Variants in SLC29A4 observed in about 807,000 individuals in gnomAD.
SLC29A4 encodes the protein equilibrative nucleoside transporter 4.
A neutral mutation model predicts 43.9 loss-of-function variants in SLC29A4; 36 were observed. The observed-to-expected ratio is 0.82, with a 90% CI of 0.63 to 1.08. SLC29A4 has a LOEUF of 1.08. SLC29A4 is among the 50% of genes least tolerant of loss of function. The probability of loss-of-function intolerance (pLI) is 0.00; values close to 1 mark genes in which losing one functional copy is unlikely to be tolerated. For missense variants in SLC29A4, 869 were observed against 755.3 expected (o/e 1.15, Z -1.77); for synonymous variants, 491 against 338.0 (o/e 1.45, Z -4.97).
rs959028114 is a variant in SLC29A4, at chr7:5,306,393, C to T, written c.*3454C>T. On this transcript the variant is annotated 3_prime_UTR_variant, in exon 11 of 11. Coordinates refer to ENST00000396872, the MANE Select transcript of SLC29A4 (RefSeq NM_153247.4). Reference sequence around the variant, plus strand: ...TATTTTTAGTAGAGACGGGGTTTCACCACATTGCTCAGGCTGGTCTGAAAC... The same window carrying T: ...TATTTTTAGTAGAGACGGGGTTTCATCACATTGCTCAGGCTGGTCTGAAAC... The T allele has an allele frequency of 6.6e-6, 1 of 151,740 alleles. No individual in the cohort carries two copies. Among genetic ancestry groups the T allele is most frequent in the Non-Finnish European group, 1.5e-5 (1 of 67,982 alleles). The allele number at this position is 151,740 out of a possible 1,614,324, so 9.4% of individuals were successfully genotyped here.
At chr7:5,283,616 C>A (rs1784788492) in intron 1 of SLC29A4, among the ~76,000 whole-genome samples, 1 of 152,158 alleles carries the variant, frequency 6.6e-6, no homozygotes, top group African/African-American at 2.4e-5. Flanking sequence ...GGGGGGCCAG[C>A]CTGTGGCCCC....
intron 10 of SLC29A4, among the ~76,000 whole-genome samples, chr7:5,301,543 G>A (rs1786165397): frequency 6.6e-6 from 1 of 152,198 alleles, no homozygotes; most frequent in Admixed American, 6.5e-5. Context: ...GAGGCCAGGG[G>A]ATGGAGCAGA....
intron 7 of SLC29A4, 26 bp downstream of exon 7, chr7:5,297,224 T>TCCCTTCTCTGTA (rs1554263057): frequency 1.1e-5 from 16 of 1,507,858 alleles, no homozygotes; most frequent in Admixed American, 8.4e-5. Context: ...CCACCTCTGT[T>TCCCTTCTCTGTA]CCCTTCTCTG....
chr7:5,285,137 C>G (rs544069215), intron 1 of SLC29A4, among the ~76,000 whole-genome samples: 1 of 152,142 alleles, frequency 6.6e-6, no homozygotes, highest in East Asian at 1.9e-4. Flanking sequence ...CTGGCGCCTC[C>G]CAACGACTCT....
chr7:5,291,161 C>G lies in SLC29A4; in HGVS notation c.339C>G (p.Ile113Met). Residue 113 changes from isoleucine to methionine, a missense_variant, in exon 4 of 11, where the codon ATC becomes ATG. Coordinates refer to ENST00000396872, the MANE Select transcript of SLC29A4 (RefSeq NM_153247.4). The part of the protein sequence containing the change: ...SIVFDMSLTY[I>M]LVALAAVLLN... ...TGTTTGACATGAGCCTCACCTACAT[C>G]TTGGTGGCACTGGCAGCTGTCCTCC... 6.2e-7 allele frequency: 1 copy of G among 1,613,978 alleles called. No individual in the cohort carries two copies. Among genetic ancestry groups the G allele is most frequent in the Non-Finnish European group, 8.5e-7 (1 of 1,180,024 alleles).
In SLC29A4 at chr7:5,306,276, C is replaced by T. The variant is rs1360851996; in HGVS notation, c.*3337C>T. ...GTGGTGCGATCTCAACTCACTGCAA[C>T]CTCCACCCGCCGGGTCCCTGTGATT... On this transcript the variant is annotated 3_prime_UTR_variant, in exon 11 of 11. Transcript: ENST00000396872. 1 of 145,662 alleles carries T rather than the reference C, an allele frequency of 6.9e-6. No homozygotes were observed. Among genetic ancestry groups the T allele is most frequent in the African/African-American group, 2.6e-5 (1 of 38,798 alleles). 9.0% of individuals were successfully genotyped at this position (145,662 alleles called of 1,614,324 possible).
chr7:5,288,924 GTGT>G (rs1785133798), intron 2 of SLC29A4, among the ~76,000 whole-genome samples: 1 of 152,182 alleles, frequency 6.6e-6, no homozygotes, highest in Non-Finnish European at 1.5e-5. Context: ...GGTCAAGTCA[GTGT>G]TGTTCTGTGA....
intron 3 of SLC29A4, 89 bp downstream of exon 3, chr7:5,290,952 C>A: frequency 6.5e-7 from 1 of 1,548,684 alleles, no homozygotes; most frequent in Non-Finnish European, 8.7e-7. Flanking sequence ...GAGGGTCCTA[C>A]ACGGGGACCT....
At chr7:5,290,627 A>G in intron 2 of SLC29A4, 105 bp from the exon 3 acceptor site, 3 of 1,443,002 alleles carry the variant, frequency 2.1e-6, no homozygotes, top group Non-Finnish European at 2.8e-6. Context: ...ACGGTGATGG[A>G]CAGTGGCTAT....
intron 1 of SLC29A4, among the ~76,000 whole-genome samples, chr7:5,285,258 C>A (rs1311175595): frequency 1.3e-5 from 2 of 150,950 alleles, no homozygotes; most frequent in African/African-American, 2.4e-5. Flanking sequence ...TGCTCGGCCG[C>A]CACCCCACCC....
intron 5 of SLC29A4, among the ~76,000 whole-genome samples, chr7:5,292,312 C>G (rs1192295028): frequency 6.6e-6 from 1 of 152,186 alleles, no homozygotes; most frequent in Non-Finnish European, 1.5e-5. Context: ...GGGGATCTCT[C>G]TGTGTTGCCC....
chr7:5,292,503 C>T (rs34058881), intron 5 of SLC29A4, among the ~76,000 whole-genome samples: 3 of 152,052 alleles, frequency 2.0e-5, no homozygotes, highest in Non-Finnish European at 4.4e-5. Flanking sequence ...AAGTCCCATA[C>T]GAGCACTCTC....
chr7:5,291,420 C>G (rs1240348732), intron 4 of SLC29A4, among the ~76,000 whole-genome samples, 183 bp downstream of exon 4: 2 of 152,244 alleles, frequency 1.3e-5, no homozygotes, highest in Non-Finnish European at 2.9e-5. Flanking sequence ...CAAGTCATGT[C>G]CCTGGGCCTT....
At chr7:5,298,816 T>A (rs575100192) in intron 7 of SLC29A4, among the ~76,000 whole-genome samples, 172 bp from the exon 8 acceptor site, 1 of 151,986 alleles carries the variant, frequency 6.6e-6, no homozygotes, top group East Asian at 1.9e-4. Context: ...AAGAAAGAAA[T>A]GTGAAGTGAG....
intron 5 of SLC29A4, among the ~76,000 whole-genome samples, chr7:5,292,220 C>T (rs901844764): frequency 6.6e-6 from 1 of 152,166 alleles, no homozygotes; most frequent in Non-Finnish European, 1.5e-5. Flanking sequence ...AAGCCATCCT[C>T]CCACCTCAGC....
chr7:5,290,630 G>A, intron 2 of SLC29A4, 102 bp from the exon 3 acceptor site: 1 of 1,459,496 alleles, frequency 6.9e-7, no homozygotes, highest in Non-Finnish European at 9.3e-7. Flanking sequence ...GTGATGGACA[G>A]TGGCTATGGT....
At chr7:5,287,718 A>G (rs1320809011) in intron 1 of SLC29A4, 91 bp from the exon 2 acceptor site, 13 of 1,313,630 alleles carry the variant, frequency 9.9e-6, no homozygotes, top group Non-Finnish European at 1.4e-5. Flanking sequence ...GACATGTGTC[A>G]CTCCAGGTAG....
chr7:5,285,335 C>A (rs1439228698), intron 1 of SLC29A4, among the ~76,000 whole-genome samples: 1 of 148,688 alleles, frequency 6.7e-6, no homozygotes, highest in East Asian at 2.1e-4. Flanking sequence ...GTCAGGGGAG[C>A]CTTGAGCCTA....
At chr7:5,294,784 A>G in intron 5 of SLC29A4, 76 bp from the exon 6 acceptor site, 1 of 1,465,878 alleles carries the variant, frequency 6.8e-7, no homozygotes, top group East Asian at 2.3e-5. Flanking sequence ...CCACCAACAC[A>G]GTTCTCTAGT....
Sources: allele counts gnomAD v4.1 joint callset (sites outside exome capture counted in the v4.1 genomes callset), GRCh38; gene constraint gnomAD v4.1.1; transcripts MANE v1.5; gene names NCBI Gene and HGNC (gene_info 2026-07-23, HGNC 2026-07-21).